The following AXDND1 variants were observed in gnomAD, a reference collection of about 807,000 sequenced individuals.
AXDND1 encodes axonemal dynein light chain domain-containing protein 1.
Under a neutral mutation model 137.5 loss-of-function variants are expected in AXDND1, and 110 were observed. The observed-to-expected ratio is 0.80, with a 90% CI of 0.69 to 0.94. AXDND1 has a LOEUF of 0.94. Among genes scored for constraint, AXDND1 ranks in the 40% least tolerant of loss-of-function variants. The probability of loss-of-function intolerance (pLI) is 0.00; values close to 1 mark genes in which losing one functional copy is unlikely to be tolerated. For missense variants in AXDND1, 1,191 were observed against 1,169.8 expected (o/e 1.02, Z -0.26); for synonymous variants, 414 against 399.7 (o/e 1.04, Z -0.43).
chr1:179,459,702 T>C (rs1558210803), intron 16 of AXDND1, among the ~76,000 whole-genome samples: 1 of 146,202 alleles, frequency 6.8e-6, no homozygotes, highest in Non-Finnish European at 1.5e-5. Flanking sequence ...TTTCTTTCTT[T>C]CCTTTCTTTC....
intron 6 of AXDND1, among the ~76,000 whole-genome samples, chr1:179,382,271 G>T (rs1209943023): frequency 1.3e-5 from 2 of 151,814 alleles, no homozygotes; most frequent in Admixed American, 1.3e-4. Flanking sequence ...AGTAGAGACG[G>T]GGCTTCATCA....
chr1:179,517,453 G>A (rs1669650511), intron 21 of AXDND1, among the ~76,000 whole-genome samples: 1 of 152,162 alleles, frequency 6.6e-6, no homozygotes, highest in African/African-American at 2.4e-5. Context: ...GCCCTCCCCT[G>A]AGTTCTAGCG....
At chr1:179,368,083 A>T (rs1207434822) in intron 2 of AXDND1, among the ~76,000 whole-genome samples, 3 of 119,776 alleles carry the variant, frequency 2.5e-5, no homozygotes, top group Non-Finnish European at 3.4e-5. Context: ...TATAGAAATA[A>T]ACATAAACCA....
chr1:179,540,434 C>T (rs576810573), intron 25 of AXDND1, among the ~76,000 whole-genome samples: 1 of 152,102 alleles, frequency 6.6e-6, no homozygotes, highest in Non-Finnish European at 1.5e-5. Context: ...TGTTAGTTTT[C>T]CTTCTAACAG....
chr1:179,405,135 A>G (rs558767322), intron 11 of AXDND1, among the ~76,000 whole-genome samples: 1 of 150,178 alleles, frequency 6.7e-6, no homozygotes, highest in Admixed American at 6.6e-5. Flanking sequence ...ATGTGTTTTC[A>G]TTGTTGAACT....
intron 16 of AXDND1, among the ~76,000 whole-genome samples, chr1:179,458,007 T>C (rs1661669325): frequency 1.3e-5 from 2 of 151,970 alleles, no homozygotes; most frequent in South Asian, 4.2e-4. Flanking sequence ...TTTTTCTTTT[T>C]TTGAGACAGT....
At chr1:179,510,942 T>C (rs1185085654) in intron 21 of AXDND1, among the ~76,000 whole-genome samples, 1 of 149,810 alleles carries the variant, frequency 6.7e-6, no homozygotes, top group African/African-American at 2.5e-5. Context: ...GTATCATTCT[T>C]ATGCCTTTGC....
chr1:179,383,801 T>C (rs531262286), intron 8 of AXDND1, among the ~76,000 whole-genome samples: 1 of 152,348 alleles, frequency 6.6e-6, no homozygotes, highest in African/African-American at 2.4e-5. Flanking sequence ...AGACACTGTA[T>C]AATTAATTGT....
At chr1:179,515,058 A>T (rs1033408349) in intron 21 of AXDND1, among the ~76,000 whole-genome samples, 1 of 152,156 alleles carries the variant, frequency 6.6e-6, no homozygotes, top group South Asian at 2.1e-4. Flanking sequence ...ATTTACATTC[A>T]ATGTTACTAT....
intron 15 of AXDND1, among the ~76,000 whole-genome samples, chr1:179,441,594 C>T (rs916011106): frequency 6.6e-6 from 1 of 152,194 alleles, no homozygotes; most frequent in Admixed American, 6.5e-5. Flanking sequence ...TTCACTGCCT[C>T]TTGTAATCTT....
intron 21 of AXDND1, among the ~76,000 whole-genome samples, chr1:179,512,886 G>A (rs1382941172): frequency 6.6e-6 from 1 of 152,134 alleles, no homozygotes; most frequent in African/African-American, 2.4e-5. Context: ...GTAGAGAAGA[G>A]CTACTGATTT....
chr1:179,439,888 A>G lies in AXDND1; in HGVS notation c.1564-5082A>G, dbSNP rs201992807. ...TTGAGGGCACCCACATGGTTTCTCC[A>G]TCTCCTGTAAAAACACAAGCATACC... On this transcript the variant is annotated intron_variant, in intron 15 of 25. Coordinates refer to ENST00000367618, the MANE Select transcript of AXDND1 (RefSeq NM_144696.6). Among the ~76,000 whole-genome samples the G allele has an allele frequency of 2.2e-3, 331 of 152,004 alleles. 3 individuals carry two copies. The highest frequency in any genetic ancestry group is 3.5e-3 in the Admixed American group (53 of 15,282).
At chr1:179,469,925 A>G (rs1339729228) in intron 17 of AXDND1, among the ~76,000 whole-genome samples, 2 of 152,080 alleles carry the variant, frequency 1.3e-5, no homozygotes, top group Non-Finnish European at 2.9e-5. Flanking sequence ...ATTTACCCCT[A>G]TGTTTTTTTG....
chr1:179,480,939 A>G (rs1572019341), intron 17 of AXDND1, among the ~76,000 whole-genome samples: 1 of 137,738 alleles, frequency 7.3e-6, no homozygotes, highest in African/African-American at 2.6e-5. Context: ...TTATTTATTT[A>G]TTTTTATTTA....
intron 17 of AXDND1, among the ~76,000 whole-genome samples, chr1:179,468,952 G>T (rs928226146): frequency 7.3e-5 from 11 of 150,024 alleles, no homozygotes; most frequent in Non-Finnish European, 1.2e-4. Flanking sequence ...TTTTTGAGGC[G>T]AAGTCTTGCT....
chr1:179,432,402 G>A (rs148375054), intron 15 of AXDND1, 60 bp downstream of exon 15: 41,056 of 1,473,748 alleles, frequency 0.028, 706 homozygotes, highest in Non-Finnish European at 0.033. Flanking sequence ...TTGGCATTCC[G>A]GACCTACAAC....
intron 16 of AXDND1, chr1:179,450,738 G>A (rs560159250): frequency 1.3e-5 from 2 of 152,990 alleles, no homozygotes; most frequent in South Asian, 2.1e-4. Flanking sequence ...GCCAAGGCAG[G>A]AGGATTACTT....
chr1:179,478,305 G>C (rs755833392), intron 17 of AXDND1, among the ~76,000 whole-genome samples: 1 of 152,218 alleles, frequency 6.6e-6, no homozygotes, highest in Non-Finnish European at 1.5e-5. Flanking sequence ...CCTAGCAGAC[G>C]TTCTCCATTA....
intron 21 of AXDND1, among the ~76,000 whole-genome samples, chr1:179,509,700 G>A (rs1001809636): frequency 2.0e-5 from 3 of 152,138 alleles, no homozygotes; most frequent in Non-Finnish European, 4.4e-5. Flanking sequence ...CTGCTTCTGT[G>A]CTCACCCTTT....
Sources: gnomAD v4.1 joint callset for allele counts (sites outside exome capture counted in the v4.1 genomes callset) on GRCh38, gnomAD v4.1.1 for gene constraint, MANE v1.5 for transcripts, NCBI Gene and HGNC (gene_info 2026-07-23, HGNC 2026-07-21) for gene names.